Variants in LOC128092252 observed in about 807,000 individuals in gnomAD.
At chr15:50,658,968 G>A in the LOC128092252 span, among the ~76,000 whole-genome samples, 1 of 152,214 alleles carries the variant, frequency 6.6e-6, no homozygotes, top group Non-Finnish European at 1.5e-5. Context: ...GGAGGCTGAG[G>A]CGGGAGGATC....
chr15:50,660,899 G>A, the LOC128092252 span, among the ~76,000 whole-genome samples: 3 of 151,470 alleles, frequency 2.0e-5, no homozygotes, highest in Non-Finnish European at 4.4e-5. Context: ...GCTAAAAATC[G>A]AAAACAACTA....
the LOC128092252 span, among the ~76,000 whole-genome samples, chr15:50,678,255 AAACAAAAAC>A: frequency 3.0e-5 from 4 of 134,032 alleles, no homozygotes; most frequent in Non-Finnish European, 5.2e-5. Context: ...AAAAAAACAA[AAACAAAAAC>A]AAAAACAAAA....
the LOC128092252 span, among the ~76,000 whole-genome samples, chr15:50,681,053 C>T: frequency 6.6e-6 from 1 of 152,078 alleles, no homozygotes; most frequent in African/African-American, 2.4e-5. Context: ...GAGTTCGAGA[C>T]CAGCCTGACC....
chr15:50,650,192 CAAAAAAAAAAAAAA>C, the LOC128092252 span, among the ~76,000 whole-genome samples: 3 of 62,292 alleles, frequency 4.8e-5, 1 homozygote, highest in Admixed American at 4.7e-4. Flanking sequence ...GACTTTGTCT[CAAAAAAAAAAAAAA>C]AAAAAAAAAA....
At chr15:50,673,033 GTTAAA>G in the LOC128092252 span, among the ~76,000 whole-genome samples, 1 of 150,694 alleles carries the variant, frequency 6.6e-6, no homozygotes, top group Non-Finnish European at 1.5e-5. Context: ...TTACAAATCT[GTTAAA>G]TTAAAAAGTT....
At chr15:50,661,409 T>C in the LOC128092252 span, among the ~76,000 whole-genome samples, 2 of 152,196 alleles carry the variant, frequency 1.3e-5, no homozygotes, top group Non-Finnish European at 1.5e-5. Flanking sequence ...CCAAATGTTA[T>C]TAATAATGAC....
the LOC128092252 span, among the ~76,000 whole-genome samples, chr15:50,658,319 A>G: frequency 6.6e-6 from 1 of 152,016 alleles, no homozygotes; most frequent in African/African-American, 2.4e-5. Context: ...GTCCACACCT[A>G]TAATTGCAAC....
chr15:50,652,894 G>A, the LOC128092252 span, among the ~76,000 whole-genome samples: 16,588 of 152,138 alleles, frequency 0.11, 971 homozygotes, highest in African/African-American at 0.14. Context: ...GGGCACACTG[G>A]CTCGTGCCTG....
At chr15:50,653,720 C>A in the LOC128092252 span, among the ~76,000 whole-genome samples, 1 of 152,048 alleles carries the variant, frequency 6.6e-6, no homozygotes. Flanking sequence ...GAATTTGTAG[C>A]AGAGTTACCA....
At chr15:50,659,025 C>T in the LOC128092252 span, among the ~76,000 whole-genome samples, 1 of 151,940 alleles carries the variant, frequency 6.6e-6, no homozygotes, top group Non-Finnish European at 1.5e-5. Flanking sequence ...AGTGAAACCC[C>T]GTCTCTACTA....
chr15:50,669,678 G>A, the LOC128092252 span, among the ~76,000 whole-genome samples: 1 of 152,104 alleles, frequency 6.6e-6, no homozygotes, highest in Non-Finnish European at 1.5e-5. Flanking sequence ...TGGTATACCT[G>A]TCAGTAGATT....
the LOC128092252 span, among the ~76,000 whole-genome samples, chr15:50,666,771 C>T: frequency 6.6e-6 from 1 of 151,972 alleles, no homozygotes. Context: ...CATTGCACTC[C>T]AGCCTGGGCA....
the LOC128092252 span, among the ~76,000 whole-genome samples, chr15:50,670,962 T>C: frequency 6.6e-6 from 1 of 152,076 alleles, no homozygotes; most frequent in African/African-American, 2.4e-5. Flanking sequence ...TTGCTGGAGC[T>C]CAGGAATTTG....
the LOC128092252 span, among the ~76,000 whole-genome samples, chr15:50,672,449 A>G: frequency 9.2e-5 from 14 of 151,576 alleles, no homozygotes; most frequent in Admixed American, 5.9e-4. Flanking sequence ...GAAAATGACA[A>G]CTCCATTCAT....
At chr15:50,674,955 G>A in the LOC128092252 span, among the ~76,000 whole-genome samples, 1 of 151,998 alleles carries the variant, frequency 6.6e-6, no homozygotes, top group Non-Finnish European at 1.5e-5. Flanking sequence ...CAAACAATTT[G>A]CTAAAAGTCA....
At chr15:50,668,296 G>A in the LOC128092252 span, among the ~76,000 whole-genome samples, 1 of 152,050 alleles carries the variant, frequency 6.6e-6, no homozygotes, top group Admixed American at 6.5e-5. Flanking sequence ...CTGAATTAAT[G>A]TAAGACTCAT....
the LOC128092252 span, among the ~76,000 whole-genome samples, chr15:50,678,325 G>A: frequency 6.6e-6 from 1 of 150,568 alleles, no homozygotes; most frequent in South Asian, 2.1e-4. Flanking sequence ...TTTGTACATG[G>A]GTCAACATGC....
At chr15:50,672,608 A>C in the LOC128092252 span, among the ~76,000 whole-genome samples, 1 of 151,970 alleles carries the variant, frequency 6.6e-6, no homozygotes, top group Non-Finnish European at 1.5e-5. Context: ...TAATTTTAAA[A>C]TGTTGAAATA....
chr15:50,679,330 AT>A, the LOC128092252 span, among the ~76,000 whole-genome samples: 7 of 140,940 alleles, frequency 5.0e-5, no homozygotes, highest in South Asian at 1.6e-3. Flanking sequence ...GCAAAACACT[AT>A]CCAAAAAAAA....
Sources: gnomAD v4.1 joint callset for allele counts (sites outside exome capture counted in the v4.1 genomes callset) on GRCh38, gnomAD v4.1.1 for gene constraint, MANE v1.5 for transcripts.